Variants in SIRPD observed in about 807,000 individuals in gnomAD.
SIRPD encodes signal-regulatory protein delta.
Under a neutral mutation model 18.0 loss-of-function variants are expected in SIRPD, and 21 were observed. The ratio of observed to expected loss-of-function variants is 1.17; its 90% confidence interval spans 0.83 to 1.68. The LOEUF (loss-of-function observed/expected upper bound fraction) is 1.68. Among genes scored for constraint, SIRPD ranks in the 40% most tolerant of loss-of-function variants. The probability of loss-of-function intolerance (pLI) is 0.00; values close to 1 mark genes in which losing one functional copy is unlikely to be tolerated. For synonymous variants in SIRPD, 106 were observed against 92.9 expected, an observed-to-expected ratio of 1.14 and a Z score of -0.81; for missense variants, 295 against 238.4, an observed-to-expected ratio of 1.24 and a Z score of -1.56.
Position 1,551,643 on chromosome 20 carries a change from AGAT to A in SIRPD, c.421+45_421+47del, listed in dbSNP as rs762462338. On this transcript the variant is annotated intron_variant, in intron 2 of 3. Transcript: ENST00000381623. ...GAATGAATAGAAGACATAACTGCTG[AGAT>A]GATATTATACACCAGGGGGTATGGG... 2.9e-6 allele frequency: 4 copies of A among 1,402,202 alleles called. No individual in the cohort carries two copies. In the East Asian group the frequency reaches 9.2e-5, roughly 32 times the overall value. The allele number at this position is 1,402,202 out of a possible 1,614,324, so 86.9% of individuals were successfully genotyped here. A position where few individuals can be genotyped will look rare whatever the true frequency, so the allele number is the denominator to read the frequency against.
intron 1 of SIRPD, among the ~76,000 whole-genome samples, chr20:1,554,990 G>A (rs2091033987): frequency 3.3e-5 from 5 of 152,106 alleles, no homozygotes; most frequent in Admixed American, 3.3e-4. Flanking sequence ...GTTCATGGCA[G>A]ATACACAAAA....
intron 2 of SIRPD, among the ~76,000 whole-genome samples, chr20:1,549,148 A>G (rs1568669277): frequency 1.3e-5 from 2 of 151,754 alleles, no homozygotes; most frequent in African/African-American, 4.8e-5. Flanking sequence ...TTTTCTTTCA[A>G]TTGTTGTACT....
chr20:1,554,746 G>A (rs1399008994), intron 1 of SIRPD, among the ~76,000 whole-genome samples: 1 of 152,110 alleles, frequency 6.6e-6, no homozygotes, highest in East Asian at 1.9e-4. Context: ...CGGGTGTTCT[G>A]TGGTGTGAAA....
intron 2 of SIRPD, among the ~76,000 whole-genome samples, chr20:1,546,943 A>C (rs1214006380): frequency 6.6e-6 from 1 of 152,178 alleles, no homozygotes; most frequent in Non-Finnish European, 1.5e-5. Flanking sequence ...GTAATTTGCA[A>C]ATATTTTTCC....
At position 1,552,010 on chromosome 20, in the gene SIRPD, T is replaced by C; in HGVS notation, c.102A>G (p.Gln34=). Reference sequence around the variant, plus strand: ...TTGATACAGTCTGTGACATCTCCGTTTGTTGCACATGGAACACATGTGTGA... The same window carrying C: ...TTGATACAGTCTGTGACATCTCCGTCTGTTGCACATGGAACACATGTGTGA... ...AGVTHVFHVQ[Q]TEMSQTVSTG... Residue 34 remains glutamine (Q), a synonymous_variant, in exon 2 of 4, where the codon CAA becomes CAG. Coordinates refer to ENST00000381623, the MANE Select transcript of SIRPD (RefSeq NM_178460.3). 1.2e-6 allele frequency: 2 copies of C among 1,613,964 alleles called. No homozygotes were observed. The highest frequency in any genetic ancestry group is 1.7e-6 in the Non-Finnish European group (2 of 1,179,906).
At chr20:1,555,619 C>T (rs956616603) in intron 1 of SIRPD, among the ~76,000 whole-genome samples, 3 of 152,096 alleles carry the variant, frequency 2.0e-5, no homozygotes, top group African/African-American at 7.2e-5. Context: ...TATTATTTGT[C>T]AATTAAAACC....
At chr20:1,537,418 A>G (rs2090951825) in intron 2 of SIRPD, 108 bp from the exon 3 acceptor site, 2 of 1,286,858 alleles carry the variant, frequency 1.6e-6, no homozygotes, top group South Asian at 1.4e-5. Flanking sequence ...ATTGTGAAAT[A>G]GGAATCAGAC....
intron 1 of SIRPD, among the ~76,000 whole-genome samples, chr20:1,553,515 C>A (rs1004395209): frequency 6.6e-6 from 1 of 152,120 alleles, no homozygotes; most frequent in Non-Finnish European, 1.5e-5. Flanking sequence ...ACTGGAAGTT[C>A]AGGGTCATGG....
At chr20:1,542,569 T>A (rs1025026223) in intron 2 of SIRPD, among the ~76,000 whole-genome samples, 2 of 152,210 alleles carry the variant, frequency 1.3e-5, no homozygotes, top group Non-Finnish European at 2.9e-5. Context: ...AAATATACAA[T>A]CATGTCATCT....
At chr20:1,549,501 C>A (rs1233089681) in intron 2 of SIRPD, among the ~76,000 whole-genome samples, 2 of 151,822 alleles carry the variant, frequency 1.3e-5, no homozygotes, top group Non-Finnish European at 2.9e-5. Context: ...TCCTCACAAC[C>A]ACCGAGGCTT....
chr20:1,542,537 G>A lies in SIRPD; in HGVS notation c.422-5227C>T, dbSNP rs145416098. Among the ~76,000 whole-genome samples the A allele has an allele frequency of 1.4e-3, 214 of 152,210 alleles. 1 individual carries two copies. Among genetic ancestry groups the A allele is most frequent in the African/African-American group, 4.9e-3 (205 of 41,526 alleles). On this transcript the variant is annotated intron_variant, in intron 2 of 3. Coordinates refer to ENST00000381623, the MANE Select transcript of SIRPD (RefSeq NM_178460.3). ...TGCTTATTAGCTTAAGGAGTTTTGG[G>A]GCTGAGATGATGAGGTTTTCTAAAT...
At chr20:1,541,677 A>G (rs1385831199) in intron 2 of SIRPD, among the ~76,000 whole-genome samples, 3 of 151,966 alleles carry the variant, frequency 2.0e-5, no homozygotes, top group African/African-American at 7.3e-5. Context: ...CATTTGTTGC[A>G]ATTGCTTTTG....
chr20:1,534,826 G>T (rs979220696), intron 3 of SIRPD, among the ~76,000 whole-genome samples: 2 of 152,174 alleles, frequency 1.3e-5, no homozygotes, highest in African/African-American at 4.8e-5. Flanking sequence ...AGACACTCAC[G>T]TTTCATTGGG....
Position 1,551,986 on chromosome 20 carries a change from T to C in SIRPD, c.126A>G (p.Ser42=). Residue 42 remains serine, a synonymous_variant, in exon 2 of 4, where the codon TCA becomes TCG. Coordinates refer to ENST00000381623, the MANE Select transcript of SIRPD (RefSeq NM_178460.3). ...VQQTEMSQTV[S]TGESIILSCS... ...AACTCAAGATGATTGACTCCCCAGT[T>C]GATACAGTCTGTGACATCTCCGTTT... The C allele has an allele frequency of 6.2e-7, 1 of 1,614,084 alleles. No homozygotes were observed. The highest frequency in any genetic ancestry group is 8.5e-7 in the Non-Finnish European group (1 of 1,179,974).
chr20:1,546,745 C>CA (rs2123135712), intron 2 of SIRPD, among the ~76,000 whole-genome samples: 2 of 152,298 alleles, frequency 1.3e-5, no homozygotes, highest in South Asian at 4.1e-4. Context: ...TTCTCATAAA[C>CA]ATTTGTTATC....
chr20:1,539,859 G>A (rs1467084944), intron 2 of SIRPD, among the ~76,000 whole-genome samples: 2 of 152,162 alleles, frequency 1.3e-5, no homozygotes, highest in East Asian at 1.9e-4. Flanking sequence ...CAATAGCCAT[G>A]GGAGTGAGCT....
intron 2 of SIRPD, among the ~76,000 whole-genome samples, chr20:1,542,197 T>C (rs543786165): frequency 5.9e-5 from 9 of 152,316 alleles, no homozygotes; most frequent in African/African-American, 2.2e-4. Context: ...GGTAGCTCGA[T>C]GGGAATAGCA....
rs533897447 is a variant in SIRPD, at chr20:1,535,726, A to G, written c.578-1285T>C. ...AGTTTCATGTATTCTATTCTAAGCA[A>G]CAGAAAAAGGACTGACATTGGTGTT... On this transcript the variant is annotated intron_variant, in intron 3 of 3. Coordinates refer to ENST00000381623, the MANE Select transcript of SIRPD (RefSeq NM_178460.3). Among the ~76,000 whole-genome samples, 3 of 152,200 alleles carry G rather than the reference A, an allele frequency of 2.0e-5. No homozygotes were observed. The South Asian group carries it at 6.2e-4, about 32-fold the overall frequency.
At chr20:1,540,345 G>A (rs1375922368) in intron 2 of SIRPD, 1 of 455,720 alleles carries the variant, frequency 2.2e-6, no homozygotes, top group Non-Finnish European at 4.4e-6. Context: ...ACTAAATTTG[G>A]TTTTTAAACA....
Sources: gnomAD v4.1 joint callset for allele counts (sites outside exome capture counted in the v4.1 genomes callset) on GRCh38, gnomAD v4.1.1 for gene constraint, MANE v1.5 for transcripts, NCBI Gene and HGNC (gene_info 2026-07-23, HGNC 2026-07-21) for gene names.